GOLGA6L9: variants seen among roughly 807,000 people sequenced by gnomAD.
GOLGA6L9 encodes golgin subfamily A member 6-like protein 9.
A neutral mutation model predicts 51.3 loss-of-function variants in GOLGA6L9; 19 were observed. The ratio of observed to expected loss-of-function variants is 0.37; its 90% CI spans 0.26 to 0.54. The LOEUF is 0.54. Ranked by LOEUF, GOLGA6L9 falls within the 20% of genes least tolerant of loss-of-function variation. The pLI, the probability that GOLGA6L9 is intolerant of heterozygous loss-of-function variation, is 0.83. For missense variants in GOLGA6L9, 247 were observed against 464.1 expected, an observed-to-expected ratio of 0.53 and a Z score of 4.30; for synonymous variants, 97 against 184.2, an observed-to-expected ratio of 0.53 and a Z score of 3.83.
chr15:82,429,364 C>T (rs1344345819), upstream of GOLGA6L9, among the ~76,000 whole-genome samples: 22 of 152,200 alleles, frequency 1.4e-4, no homozygotes, highest in Admixed American at 2.0e-4. Flanking sequence ...GGTGAGCCAC[C>T]GCACCTGGCC....
chr15:82,416,055 AAGAGT>A, the GOLGA6L9 span: 2 of 152,232 alleles, frequency 1.3e-5, no homozygotes, highest in East Asian at 3.8e-4. Flanking sequence ...TAAAGCTGCA[AAGAGT>A]TGCTCTTCAT....
At chr15:82,435,338 T>A (rs1436051706) in intron 7 of GOLGA6L9, 1 of 324,892 alleles carries the variant, frequency 3.1e-6, no homozygotes, top group Non-Finnish European at 5.9e-6. Context: ...TCTACTAAAA[T>A]TAAAAATAAT....
chr15:82,420,559 A>C, the GOLGA6L9 span, among the ~76,000 whole-genome samples: 1 of 152,128 alleles, frequency 6.6e-6, no homozygotes, highest in South Asian at 2.1e-4. Flanking sequence ...TAATAACTTT[A>C]AAAGAGGGTA....
At chr15:82,429,493 TTC>T (rs1197773314), upstream of GOLGA6L9, among the ~76,000 whole-genome samples, 4 of 152,226 alleles carry the variant, frequency 2.6e-5, no homozygotes, top group African/African-American at 9.7e-5. Flanking sequence ...GTTGTGATTA[TTC>T]TCTGTTATTG....
In GOLGA6L9 at chr15:82,438,024, T is replaced by C. The variant is rs2031768704; in HGVS notation, c.*1613T>C. ...ACTTGCCGCTTTTGCATTCTTTGAG[T>C]TCAGTTTAAAGACAGTTACTTTAAG... is the stretch of plus-strand genomic sequence containing the variant. On this transcript the variant is annotated 3_prime_UTR_variant, in exon 9 of 9. Coordinates refer to ENST00000618348, the MANE Select transcript of GOLGA6L9 (RefSeq NM_198181.4). The C allele has an allele frequency of 6.6e-6, 1 of 151,022 alleles. No homozygotes were observed. The highest frequency in any genetic ancestry group is 1.5e-5 in the Non-Finnish European group (1 of 67,790). 9.4% of individuals were successfully genotyped at this position (151,022 alleles called of 1,614,324 possible). A position where few individuals can be genotyped will look rare whatever the true frequency, so the allele number is the denominator to read the frequency against.
At chr15:82,433,051 A>C (rs2031479918) in intron 4 of GOLGA6L9, among the ~76,000 whole-genome samples, 154 bp downstream of exon 4, 1 of 151,420 alleles carries the variant, frequency 6.6e-6, no homozygotes, top group Non-Finnish European at 1.5e-5. Context: ...CCCAGAGCAC[A>C]GAACATGCAG....
rs1255521385 is a variant in GOLGA6L9, at chr15:82,439,141, T to C, written c.*2730T>C. On this transcript the variant is annotated 3_prime_UTR_variant, in exon 9 of 9. Transcript: ENST00000618348. ...ATTATTAAATTGTTTCAAGGTGCTG[T>C]TTTGCCTAAAAATTTTGTGTGTCTT... The C allele has an allele frequency of 2.6e-5, 4 of 151,210 alleles. No homozygotes were observed. The highest frequency in any genetic ancestry group is 9.8e-5 in the African/African-American group (4 of 40,802). 9.4% of individuals were successfully genotyped at this position (151,210 alleles called of 1,614,324 possible).
At chr15:82,435,379 G>A (rs1468363514) in intron 7 of GOLGA6L9, 5 of 317,250 alleles carry the variant, frequency 1.6e-5, no homozygotes, top group Non-Finnish European at 3.0e-5. Flanking sequence ...GGTGGTGCAT[G>A]CCTGTAATCC....
At position 82,432,535 on chromosome 15, in the gene GOLGA6L9, G is replaced by C. The variant is rs1254958697; in HGVS notation, c.205-37G>C. 9.3e-5 allele frequency: 149 copies of C among 1,597,074 alleles called. 1 individual carries two copies. In the East Asian group the frequency reaches 3.2e-3, roughly 35 times the overall value. On this transcript the variant is annotated intron_variant, in intron 2 of 8. Transcript: ENST00000618348. ...TCAGAGGGCTTAGACAGTGAGGGGG[G>C]ACAGAACATCTCCATGTGCACTCTC... is the stretch of plus-strand genomic sequence containing the variant.
At chr15:82,427,707 T>A (rs1374589475), upstream of GOLGA6L9, among the ~76,000 whole-genome samples, 3 of 151,450 alleles carry the variant, frequency 2.0e-5, no homozygotes, top group Non-Finnish European at 2.9e-5. Context: ...TCAAAAATTT[T>A]TGTGGAGATG....
chr15:82,420,909 C>G, the GOLGA6L9 span, among the ~76,000 whole-genome samples: 1 of 142,228 alleles, frequency 7.0e-6, no homozygotes, highest in East Asian at 2.1e-4. Context: ...TAAGAAACTT[C>G]CACTCACACT....
upstream of GOLGA6L9, among the ~76,000 whole-genome samples, chr15:82,426,031 C>A (rs1284856884): frequency 0.015 from 1,100 of 72,512 alleles, 12 homozygotes; most frequent in Admixed American, 0.031. Flanking sequence ...GTACACATGA[C>A]CTTTTTAAAA....
rs2150832602 is a variant in GOLGA6L9, at chr15:82,436,854, T to G, written c.*443T>G. 6.2e-6 allele frequency: 1 copy of G among 160,036 alleles called. No individual in the cohort carries two copies. The highest frequency in any genetic ancestry group is 1.9e-4 in the East Asian group (1 of 5,196). The allele number at this position is 160,036 out of a possible 1,614,324, so 9.9% of individuals were successfully genotyped here. On this transcript the variant is annotated 3_prime_UTR_variant, in exon 9 of 9. Transcript: ENST00000618348. The stretch of plus-strand genomic sequence containing the variant: ...GTTTGGGATAGGCTGCCATGCTTTT[T>G]TAATGTTAGTACAGCCTGTATATTC...
At position 82,432,573 on chromosome 15, in the gene GOLGA6L9, C is replaced by G. The variant is rs1170964230; in HGVS notation, c.206C>G (p.Ser69Ter). The change falls in exon 3 of 9, where the codon TCA (serine) becomes TGA (stop). Residue 69 changes from serine (S) to a stop codon, truncating the protein, a stop_gained and splice_region_variant. Transcript: ENST00000618348. LOFTEE classifies it high-confidence loss of function. Reference protein sequence around the residue: ...TSGGYHSPGDSATGIYGEGRA... With the variant: ...TSGGYHSPGD Reference sequence around the variant, plus strand: ...CATGTGCACTCTCATCTCTTGGAGTCAGCAACAGGTATCTACGGGGAGGGC... The same window carrying G: ...CATGTGCACTCTCATCTCTTGGAGTGAGCAACAGGTATCTACGGGGAGGGC... 2.5e-6 allele frequency: 4 copies of G among 1,603,272 alleles called. No homozygotes were observed. The highest frequency in any genetic ancestry group is 3.4e-6 in the Non-Finnish European group (4 of 1,179,528).
the GOLGA6L9 span, among the ~76,000 whole-genome samples, chr15:82,424,553 T>G: frequency 6.6e-6 from 1 of 152,168 alleles, no homozygotes; most frequent in Non-Finnish European, 1.5e-5. Flanking sequence ...AAATTAAAAT[T>G]AAAAATCACC....
At position 82,429,919 on chromosome 15, in the gene GOLGA6L9, T is replaced by C; in HGVS notation, c.-161T>C. On this transcript the variant is annotated 5_prime_UTR_variant, in exon 1 of 9. Transcript: ENST00000618348. Reference sequence around the variant, plus strand: ...CATGCTGCGCCTGGCCACGCCTCCTTTCCCTTTCATCTTTCTCACTGACCA... The same window carrying C: ...CATGCTGCGCCTGGCCACGCCTCCTCTCCCTTTCATCTTTCTCACTGACCA... The C allele has an allele frequency of 2.2e-6, 2 of 914,488 alleles. No individual in the cohort carries two copies. The highest frequency in any genetic ancestry group is 1.8e-6 in the Non-Finnish European group (1 of 551,106). The allele number at this position is 914,488 out of a possible 1,614,324, so 56.6% of individuals were successfully genotyped here.
At chr15:82,418,611 A>C in the GOLGA6L9 span, 6 of 152,242 alleles carry the variant, frequency 3.9e-5, no homozygotes, top group Non-Finnish European at 2.9e-5. Flanking sequence ...ATAATTTTCT[A>C]ATGGGAGATT....
At position 82,432,024 on chromosome 15, in the gene GOLGA6L9, A is replaced by T; in HGVS notation, c.204+75A>T. 2 of 1,302,182 alleles carry T rather than the reference A, an allele frequency of 1.5e-6. 1 individual carries two copies. Among genetic ancestry groups the T allele is most frequent in the South Asian group, 2.9e-5 (2 of 69,400 alleles). The allele number at this position is 1,302,182 out of a possible 1,614,324, so 80.7% of individuals were successfully genotyped here. On this transcript the variant is annotated intron_variant, in intron 2 of 8. Transcript: ENST00000618348. ...TAGAGGGTAATTGTTAAGATTGTAG[A>T]TGGACTGTTGGGTACTGGTTAAGAA...
rs1164056079 is a variant in GOLGA6L9 at position 82,436,390 on chromosome 15, G to T, written c.1278G>T (p.Glu426Asp). The T allele has an allele frequency of 1.3e-6, 2 of 1,594,744 alleles. No homozygotes were observed. The highest frequency in any genetic ancestry group is 8.5e-7 in the Non-Finnish European group (1 of 1,177,696). The part of the protein sequence containing the change: ...CHSFRAAENR[E>D]LNITII ...CTTTTCGGGCTGCCGAGAACAGGGA[G>T]CTAAACATCACCATCATCTAAGAGC... is the stretch of plus-strand genomic sequence containing the variant. The change falls in exon 9 of 9, where the codon GAG (glutamate) becomes GAT (aspartate). Residue 426 changes from glutamate (E) to aspartate (D), a missense_variant. Transcript: ENST00000618348.
Sources: gnomAD v4.1 joint callset for allele counts (sites outside exome capture counted in the v4.1 genomes callset) on GRCh38, gnomAD v4.1.1 for gene constraint, MANE v1.5 for transcripts, NCBI Gene and HGNC (gene_info 2026-07-23, HGNC 2026-07-21) for gene names.